Variants in COL6A6 observed in about 807,000 individuals in gnomAD.
COL6A6 encodes the protein collagen type VI alpha 6 chain.
COL6A6 carries 183 observed loss-of-function variants against 208.6 expected under a neutral mutation model. The ratio of observed to expected loss-of-function variants is 0.88; its 90% CI spans 0.78 to 0.99. COL6A6 has a LOEUF of 0.99. Among genes scored for constraint, COL6A6 ranks in the 50% least tolerant of loss-of-function variants. The pLI, the probability that COL6A6 is intolerant of heterozygous loss-of-function variation, is 0.00. For missense variants in COL6A6, 2,816 were observed against 2,815.2 expected (o/e 1.00, Z -0.01); for synonymous variants, 973 against 1,011.8 (o/e 0.96, Z 0.73).
chr3:130,608,897 C>T lies in COL6A6; in HGVS notation c.4690-5C>T. ...TGTTAACAGATTGATTCTTTCTCGC[C>T]ACAGGGAACAGCAGGCATCCCAGGA... On this transcript the variant is annotated splice_region_variant and splice_polypyrimidine_tract_variant and intron_variant, in intron 21 of 36. Coordinates refer to ENST00000358511, the MANE Select transcript of COL6A6 (RefSeq NM_001102608.3). 1 of 1,610,804 alleles carries T rather than the reference C, an allele frequency of 6.2e-7. No homozygotes were observed. Among genetic ancestry groups the T allele is most frequent in the Non-Finnish European group, 8.5e-7 (1 of 1,178,586 alleles).
At chr3:130,589,040 T>A (rs1254619847) in intron 11 of COL6A6, 50 bp from the exon 12 acceptor site, 1 of 1,433,328 alleles carries the variant, frequency 7.0e-7, no homozygotes, top group African/African-American at 1.4e-5. Context: ...GTATATGAGA[T>A]TTGGGAAGCA....
intron 33 of COL6A6, among the ~76,000 whole-genome samples, chr3:130,658,318 T>C (rs1158167883): frequency 6.6e-6 from 1 of 152,202 alleles, no homozygotes; most frequent in African/African-American, 2.4e-5. Context: ...ACTCACTGTA[T>C]TGCTGCAGTA....
chr3:130,601,116 A>G (rs2064004704), intron 20 of COL6A6, among the ~76,000 whole-genome samples: 1 of 152,218 alleles, frequency 6.6e-6, no homozygotes, highest in Admixed American at 6.5e-5. Context: ...TGCCTACATC[A>G]GTGTCTAAAT....
intron 26 of COL6A6, among the ~76,000 whole-genome samples, chr3:130,627,683 G>C (rs1246953501): frequency 1.3e-5 from 2 of 152,170 alleles, no homozygotes; most frequent in Non-Finnish European, 2.9e-5. Flanking sequence ...AGTTTACTCA[G>C]GGAAGCATTC....
At position 130,563,165 on chromosome 3, in the gene COL6A6, C is replaced by A; in HGVS notation, c.162C>A (p.Ile54=). 1.2e-6 allele frequency: 2 copies of A among 1,613,984 alleles called. No homozygotes were observed. Among genetic ancestry groups the A allele is most frequent in the Non-Finnish European group, 1.7e-6 (2 of 1,179,892 alleles). The change falls in exon 3 of 37, where the codon ATC becomes ATA. Residue 54 remains isoleucine (I), a synonymous_variant. Coordinates refer to ENST00000358511, the MANE Select transcript of COL6A6 (RefSeq NM_001102608.3). Reference sequence around the variant, plus strand: ...TGAAAATGTTCATCACCAAAATGATCAGCAGTCTCCCCATAGAGGCCGACA... The same window carrying A: ...TGAAAATGTTCATCACCAAAATGATAAGCAGTCTCCCCATAGAGGCCGACA... ...PFVKMFITKM[I]SSLPIEADKY...
At chr3:130,567,355 A>G in intron 5 of COL6A6, 93 bp downstream of exon 5, 2 of 973,906 alleles carry the variant, frequency 2.1e-6, no homozygotes, top group Non-Finnish European at 3.0e-6. Flanking sequence ...AACAACATAA[A>G]TTACTAAGTT....
chr3:130,639,186 A>G (rs1243318618), intron 28 of COL6A6, among the ~76,000 whole-genome samples: 3 of 152,048 alleles, frequency 2.0e-5, no homozygotes, highest in Non-Finnish European at 4.4e-5. Flanking sequence ...AATTTTCAAG[A>G]GCTTGTTATT....
At chr3:130,560,299 T>C in intron 1 of COL6A6, 35 bp from the exon 2 acceptor site, 1 of 1,328,488 alleles carries the variant, frequency 7.5e-7, no homozygotes, top group South Asian at 1.3e-5. Flanking sequence ...CCAAATAATA[T>C]CCACAACAAT....
At chr3:130,552,314 C>A (rs4453810) in intron 1 of COL6A6, among the ~76,000 whole-genome samples, 1 of 151,988 alleles carries the variant, frequency 6.6e-6, no homozygotes, top group Non-Finnish European at 1.5e-5. Context: ...TGAATCTGGG[C>A]GCTGCTGTTT....
At position 130,566,801 on chromosome 3, in the gene COL6A6, A is replaced by C. The variant is rs11921769; in HGVS notation, c.1382A>C (p.Glu461Ala). The change falls in exon 5 of 37, where the codon GAG becomes GCG. Residue 461 changes from glutamate (E) to alanine (A), a missense_variant. Coordinates refer to ENST00000358511, the MANE Select transcript of COL6A6 (RefSeq NM_001102608.3). ...CATGAAATGAAGACGTTCCTGTCAG[A>C]GGTGGTAGGGATGTTCAACATTGCT... Reference protein sequence around the residue: ...DFHEMKTFLSEVVGMFNIAPH... With the variant: ...DFHEMKTFLSAVVGMFNIAPH... 15,948 of 1,613,914 alleles carry C rather than the reference A, an allele frequency of 9.9e-3. 1,150 individuals carry two copies. The African/African-American group carries it at 0.17, about 18-fold the overall frequency.
chr3:130,657,203 T>A (rs1354157529), intron 33 of COL6A6, among the ~76,000 whole-genome samples: 1 of 152,202 alleles, frequency 6.6e-6, no homozygotes, highest in Non-Finnish European at 1.5e-5. Flanking sequence ...TGTTCCCAGC[T>A]CCCAGGGTTC....
chr3:130,520,888 C>T (rs570793796), intron 1 of COL6A6, among the ~76,000 whole-genome samples: 1 of 152,214 alleles, frequency 6.6e-6, no homozygotes, highest in Non-Finnish European at 1.5e-5. Context: ...ATGCATTTAA[C>T]AGTCCCGAAG....
At chr3:130,636,461 C>G (rs1377472460) in intron 28 of COL6A6, among the ~76,000 whole-genome samples, 3 of 152,114 alleles carry the variant, frequency 2.0e-5, no homozygotes, top group African/African-American at 4.8e-5. Flanking sequence ...AAAGACAGTC[C>G]TAAGATAATT....
chr3:130,566,316 G>A (rs2063022278), intron 4 of COL6A6, among the ~76,000 whole-genome samples: 1 of 152,112 alleles, frequency 6.6e-6, no homozygotes, highest in Non-Finnish European at 1.5e-5. Flanking sequence ...GAGTTCATGG[G>A]CCCACAATGT....
intron 1 of COL6A6, among the ~76,000 whole-genome samples, chr3:130,533,003 A>G (rs1354346737): frequency 6.6e-6 from 1 of 152,142 alleles, no homozygotes; most frequent in African/African-American, 2.4e-5. Flanking sequence ...CAAGTGCCTC[A>G]GGAGCCTACA....
At chr3:130,608,612 T>C (rs2064256230) in intron 21 of COL6A6, among the ~76,000 whole-genome samples, 1 of 152,034 alleles carries the variant, frequency 6.6e-6, no homozygotes, top group African/African-American at 2.4e-5. Context: ...TTAGATATAA[T>C]ACAAATTTTA....
At chr3:130,522,306 T>G (rs1711120382) in intron 1 of COL6A6, among the ~76,000 whole-genome samples, 1 of 152,192 alleles carries the variant, frequency 6.6e-6, no homozygotes, top group South Asian at 2.1e-4. Flanking sequence ...GAAACTGTCA[T>G]GGGACATGGA....
chr3:130,565,963 T>C (rs2063010744), intron 4 of COL6A6, among the ~76,000 whole-genome samples: 1 of 152,188 alleles, frequency 6.6e-6, no homozygotes. Flanking sequence ...TATTTCTTTA[T>C]TCTTTTTGTA....
At chr3:130,561,061 A>T (rs183556451) in intron 2 of COL6A6, among the ~76,000 whole-genome samples, 1 of 152,238 alleles carries the variant, frequency 6.6e-6, no homozygotes, top group African/African-American at 2.4e-5. Flanking sequence ...CCCTGCAAAC[A>T]TCTTCCTTTG....
Sources: allele counts gnomAD v4.1 joint callset (sites outside exome capture counted in the v4.1 genomes callset), GRCh38; gene constraint gnomAD v4.1.1; transcripts MANE v1.5; gene names NCBI Gene and HGNC (gene_info 2026-07-23, HGNC 2026-07-21).